Variants in IL12RB2 observed in about 807,000 individuals in gnomAD.
IL12RB2 encodes the protein interleukin-12 receptor subunit beta-2.
A neutral mutation model predicts 89.4 loss-of-function variants in IL12RB2; 82 were observed. The ratio of observed to expected loss-of-function variants is 0.92; its 90% CI spans 0.77 to 1.10. IL12RB2 has a LOEUF of 1.10. IL12RB2 is among the 50% of genes least tolerant of loss of function. IL12RB2 has a pLI of 0.00. For synonymous variants in IL12RB2, 368 were observed against 370.1 expected (o/e 0.99, Z 0.07); for missense variants, 963 against 1,031.9 (o/e 0.93, Z 0.92).
chr1:67,328,418 A>G (rs939881727), intron 6 of IL12RB2, 34 bp downstream of exon 6: 2 of 1,611,770 alleles, frequency 1.2e-6, no homozygotes, highest in African/African-American at 2.7e-5. Flanking sequence ...TTGGTACTTT[A>G]TAATTATTTT....
rs369143121 is a variant in IL12RB2 at position 67,395,522 on chromosome 1, G to A, written c.2047-25G>A. The A allele has an allele frequency of 1.1e-5, 17 of 1,614,038 alleles. No homozygotes were observed. In the African/African-American group the frequency reaches 1.9e-4, roughly 18 times the overall value. ...GAAGGTCACTTCTACAGCAGTGTGA[G>A]CCTCTTCCTCCTCCTTTCTCTCAGG... On this transcript the variant is annotated intron_variant, in intron 16 of 16. Transcript: ENST00000674203.
intron 10 of IL12RB2, among the ~76,000 whole-genome samples, chr1:67,358,465 A>G (rs995559987): frequency 6.6e-6 from 1 of 152,150 alleles, no homozygotes; most frequent in Non-Finnish European, 1.5e-5. Context: ...AATCCCAGCT[A>G]CTTTGGAGGC....
intron 8 of IL12RB2, among the ~76,000 whole-genome samples, chr1:67,331,638 G>C (rs1397422749): frequency 2.0e-5 from 3 of 152,096 alleles, no homozygotes; most frequent in African/African-American, 7.2e-5. Context: ...AGGAGTTCGA[G>C]ACCAGCCTGG....
In IL12RB2 at chr1:67,395,723, A is replaced by G. The variant is rs534147223; in HGVS notation, c.2223A>G (p.Lys741=). The change falls in exon 17 of 17, where the codon AAA becomes AAG. Residue 741 remains lysine, a synonymous_variant. Coordinates refer to ENST00000674203, the MANE Select transcript of IL12RB2 (RefSeq NM_001374259.2). ...KGIQGHQASE[K]DMMHSASSPP... ...TCCAAGGTCATCAGGCCTCTGAGAAAGACATGATGCACAGTGCCTCAAGCC... is the reference window on the plus strand; with the variant it reads ...TCCAAGGTCATCAGGCCTCTGAGAAGGACATGATGCACAGTGCCTCAAGCC... 8 of 1,614,212 alleles carry G rather than the reference A, an allele frequency of 5.0e-6. No individual in the cohort carries two copies. The South Asian group carries it at 7.7e-5, about 16-fold the overall frequency.
At chr1:67,313,755 G>T (rs757201500) in intron 1 of IL12RB2, among the ~76,000 whole-genome samples, 158 bp from the exon 2 acceptor site, 6 of 152,188 alleles carry the variant, frequency 3.9e-5, no homozygotes, top group Non-Finnish European at 7.3e-5. Flanking sequence ...GAACCCAGGA[G>T]GTGGAGGTTG....
rs1025299449 is a variant in IL12RB2 at position 67,320,283 on chromosome 1, G to C, written c.-36-50G>C. On this transcript the variant is annotated intron_variant, in intron 2 of 16. Transcript: ENST00000674203. Reference sequence around the variant, plus strand: ...AGCTCTTCTGAGCTATTTTGGCTCTGGTATTTTCTGAACATATTTAACATG... The same window carrying C: ...AGCTCTTCTGAGCTATTTTGGCTCTCGTATTTTCTGAACATATTTAACATG... 7 of 1,610,032 alleles carry C rather than the reference G, an allele frequency of 4.3e-6. No individual in the cohort carries two copies. In the Middle Eastern group the frequency reaches 6.9e-4, roughly 159 times the overall value.
At chr1:67,362,820 G>A (rs1403305787) in intron 10 of IL12RB2, among the ~76,000 whole-genome samples, 3 of 151,938 alleles carry the variant, frequency 2.0e-5, no homozygotes, top group East Asian at 1.9e-4. Flanking sequence ...GAAGGAAAAT[G>A]AGATAGGTCA....
intron 15 of IL12RB2, among the ~76,000 whole-genome samples, chr1:67,388,744 G>T (rs1665496159): frequency 6.6e-6 from 1 of 152,172 alleles, no homozygotes; most frequent in Non-Finnish European, 1.5e-5. Context: ...TAGTAAACAT[G>T]TATTATTTTT....
intron 10 of IL12RB2, among the ~76,000 whole-genome samples, chr1:67,352,944 T>G (rs1470410890): frequency 6.6e-6 from 1 of 152,208 alleles, no homozygotes; most frequent in African/African-American, 2.4e-5. Context: ...AACTTGGCAA[T>G]ATGTAACAAA....
In IL12RB2 at chr1:67,398,305, C is replaced by G. The variant is rs1002290048; in HGVS notation, c.*2216C>G. Among the ~76,000 whole-genome samples the G allele has an allele frequency of 6.6e-6, 1 of 152,076 alleles. No homozygotes were observed. The highest frequency in any genetic ancestry group is 2.4e-5 in the African/African-American group (1 of 41,386). On this transcript the variant is annotated 3_prime_UTR_variant, in exon 17 of 17. Transcript: ENST00000674203. The stretch of plus-strand genomic sequence containing the variant: ...ATTATCTTTTGGCAATGGGAGCTAA[C>G]TTCACTGTTTTCTTACAATACCTGG...
Position 67,307,981 on chromosome 1 carries a change from G to C in IL12RB2, c.-125+14G>C, listed in dbSNP as rs914114308. 1 of 152,124 alleles carries C rather than the reference G, an allele frequency of 6.6e-6. No homozygotes were observed. The highest frequency in any genetic ancestry group is 2.1e-4 in the South Asian group (1 of 4,834). The allele number at this position is 152,124 out of a possible 1,614,324, so 9.4% of individuals were successfully genotyped here. On this transcript the variant is annotated intron_variant, in intron 1 of 16. Coordinates refer to ENST00000674203, the MANE Select transcript of IL12RB2 (RefSeq NM_001374259.2). ...AGGCGACACGTGGTGAGTGACCAGT[G>C]ACTCGGGGTCGGGGACAGAGAGAGC...
intron 14 of IL12RB2, among the ~76,000 whole-genome samples, chr1:67,383,612 CCAAA>C (rs1664835644): frequency 6.6e-6 from 1 of 152,182 alleles, no homozygotes; most frequent in South Asian, 2.1e-4. Flanking sequence ...TACACCCCTT[CCAAA>C]TGGGAGAAAT....
intron 2 of IL12RB2, among the ~76,000 whole-genome samples, chr1:67,315,428 C>A (rs1275333397): frequency 6.6e-6 from 1 of 152,052 alleles, no homozygotes; most frequent in African/African-American, 2.4e-5. Context: ...CCCTATGTAG[C>A]CATTCATTCA....
chr1:67,396,367 G>A lies in IL12RB2; in HGVS notation c.*278G>A. ...GAATTCCTAGTAACTTTCTTGGTAT[G>A]CTGGCCAGAAAGGGAAATGAGGAGG... On this transcript the variant is annotated 3_prime_UTR_variant, in exon 17 of 17. Coordinates refer to ENST00000674203, the MANE Select transcript of IL12RB2 (RefSeq NM_001374259.2). 1 of 536,078 alleles carries A rather than the reference G, an allele frequency of 1.9e-6. No homozygotes were observed. The highest frequency in any genetic ancestry group is 3.4e-6 in the Non-Finnish European group (1 of 295,576). 33.2% of individuals were successfully genotyped at this position (536,078 alleles called of 1,614,324 possible).
At chr1:67,395,041 G>A (rs1342591265) in intron 16 of IL12RB2, among the ~76,000 whole-genome samples, 2 of 152,120 alleles carry the variant, frequency 1.3e-5, no homozygotes, top group Non-Finnish European at 2.9e-5. Context: ...GCCAAGGTGG[G>A]TAGATCACTT....
intron 11 of IL12RB2, among the ~76,000 whole-genome samples, chr1:67,371,990 T>C (rs1159149047): frequency 2.0e-5 from 3 of 152,142 alleles, no homozygotes; most frequent in Admixed American, 2.0e-4. Flanking sequence ...AAACAGCAAA[T>C]GCTTTATTTG....
At chr1:67,325,485 C>T (rs1325691326) in intron 4 of IL12RB2, among the ~76,000 whole-genome samples, 1 of 152,228 alleles carries the variant, frequency 6.6e-6, no homozygotes, top group Non-Finnish European at 1.5e-5. Context: ...TAGTCTCAAA[C>T]TCCTAACTTC....
rs1657964997 is a variant in IL12RB2, at chr1:67,330,707, A to G, written c.855A>G (p.Lys285=). 5.2e-6 allele frequency: 8 copies of G among 1,544,334 alleles called. No individual in the cohort carries two copies. The highest frequency in any genetic ancestry group is 7.2e-6 in the Non-Finnish European group (8 of 1,116,466). ...AKGRHDLLDL[K]PFTEYEFQIS... ...GAAGACATGATTTGCTGGATCTGAAACCATTTACAGAATATGAATTTCAGA... is the reference window on the plus strand; with the variant it reads ...GAAGACATGATTTGCTGGATCTGAAGCCATTTACAGAATATGAATTTCAGA... The change falls in exon 8 of 17, where the codon AAA becomes AAG. Residue 285 remains lysine, a synonymous_variant. Transcript: ENST00000674203.
At chr1:67,324,795 C>T (rs1657072712) in intron 4 of IL12RB2, among the ~76,000 whole-genome samples, 2 of 152,304 alleles carry the variant, frequency 1.3e-5, no homozygotes, top group East Asian at 3.9e-4. Flanking sequence ...CAATGGGAAC[C>T]AAACATGGGA....
Sources: allele counts gnomAD v4.1 joint callset (sites outside exome capture counted in the v4.1 genomes callset), GRCh38; gene constraint gnomAD v4.1.1; transcripts MANE v1.5; gene names NCBI Gene and HGNC (gene_info 2026-07-23, HGNC 2026-07-21).